Variants in RUVBL1 observed in about 807,000 individuals in gnomAD.
RUVBL1 encodes the protein RuvB like AAA ATPase 1, also known as ruvB-like 1.
In RUVBL1, 4 loss-of-function variants were observed where a neutral mutation model predicts 52.4. That is an observed-to-expected ratio of 0.08 (90% confidence interval 0.04 to 0.17). The LOEUF (loss-of-function observed/expected upper bound fraction) is 0.17. Ranked by LOEUF, RUVBL1 falls within the 10% of genes least tolerant of loss-of-function variation. RUVBL1 has a pLI of 1.00. For synonymous variants in RUVBL1, 217 were observed against 214.4 expected, an observed-to-expected ratio of 1.01 and a Z score of -0.10; for missense variants, 298 against 572.8, an observed-to-expected ratio of 0.52 and a Z score of 4.90.
At position 128,104,859 on chromosome 3, in the gene RUVBL1, T is replaced by C; in HGVS notation, c.427A>G (p.Thr143Ala). Reference protein sequence around the residue: ...GEVTELTPCETENPMGGYGKT... With the variant: ...GEVTELTPCEAENPMGGYGKT... ...CCATATCCTCCCATGGGATTCTCTG[T>C]CTCACACGGAGTTAGCTCTGTGACT... The change falls in exon 4 of 11, where the codon ACA becomes GCA. Residue 143 changes from threonine to alanine, a missense_variant. This residue lies in a region of RUVBL1 where 58 missense variants were observed against 83.2 expected (regional missense o/e 0.70). Coordinates refer to ENST00000322623, the MANE Select transcript of RUVBL1 (RefSeq NM_003707.3). 1.9e-6 allele frequency: 3 copies of C among 1,613,754 alleles called. No homozygotes were observed. The highest frequency in any genetic ancestry group is 2.5e-6 in the Non-Finnish European group (3 of 1,179,666).
intron 2 of RUVBL1, among the ~76,000 whole-genome samples, chr3:128,118,839 T>G (rs1156891044): frequency 6.6e-6 from 1 of 152,224 alleles, no homozygotes; most frequent in Non-Finnish European, 1.5e-5. Flanking sequence ...CATGATTTCC[T>G]TTCTTTCTGC....
chr3:128,123,457 T>G, intron 1 of RUVBL1, 127 bp downstream of exon 1: 1 of 1,214,652 alleles, frequency 8.2e-7, no homozygotes, highest in Non-Finnish European at 1.1e-6. Context: ...CCATTTTCAC[T>G]TCCCTGAGGA....
chr3:128,133,923 T>C (rs1050603739), intron 1 of RUVBL1, among the ~76,000 whole-genome samples: 1 of 152,118 alleles, frequency 6.6e-6, no homozygotes, highest in South Asian at 2.1e-4. Context: ...CAGTGATCAA[T>C]CCTGAAGTGA....
rs1297029757 is a variant in RUVBL1 at position 128,150,666 on chromosome 3, CATATATTCTATAT to C, written c.-40+2524_-40+2536del. Among the ~76,000 whole-genome samples, 7 of 125,528 alleles carry C rather than the reference CATATATTCTATAT, an allele frequency of 5.6e-5. No homozygotes were observed. The East Asian group carries it at 1.3e-3, about 24-fold the overall frequency. 82.4% of individuals were successfully genotyped at this position (125,528 alleles called of 152,430 possible). A position where few individuals can be genotyped will look rare whatever the true frequency, so the allele number is the denominator to read the frequency against. On this transcript the variant is annotated intron_variant, in intron 1 of 9. Transcript: ENST00000464873. ...ACATATATTCTATACATATTCTATA[CATATATTCTATAT>C]ATATTCTATATATTATATATTCTAT...
intron 1 of RUVBL1, among the ~76,000 whole-genome samples, chr3:128,142,186 A>C (rs1944034654): frequency 6.6e-6 from 1 of 151,922 alleles, no homozygotes; most frequent in Non-Finnish European, 1.5e-5. Context: ...ACATCCGCTG[A>C]CTCCCAGAGT....
intron 1 of RUVBL1, among the ~76,000 whole-genome samples, chr3:128,135,578 A>G (rs184274277): frequency 1.1e-4 from 16 of 152,214 alleles, no homozygotes; most frequent in South Asian, 2.1e-4. Flanking sequence ...AAAATATTTT[A>G]TACTAGGATA....
At chr3:128,067,000 A>T in intron 9 of RUVBL1, 4 of 1,614,214 alleles carry the variant, frequency 2.5e-6, no homozygotes, top group Non-Finnish European at 3.4e-6. Context: ...TACCGTGGCC[A>T]GTACAACACC....
At chr3:128,144,862 G>C (rs1944079983) in intron 1 of RUVBL1, among the ~76,000 whole-genome samples, 1 of 152,168 alleles carries the variant, frequency 6.6e-6, no homozygotes, top group Admixed American at 6.5e-5. Context: ...TCTTGGGGTG[G>C]GCTCATGACC....
At chr3:128,074,774 G>A (rs546650972) in intron 9 of RUVBL1, among the ~76,000 whole-genome samples, 37 of 146,198 alleles carry the variant, frequency 2.5e-4, no homozygotes, top group African/African-American at 8.7e-4. Flanking sequence ...CCCGGGAGGC[G>A]GTGGTTGCAG....
At chr3:128,133,441 C>T (rs1943908983) in intron 1 of RUVBL1, among the ~76,000 whole-genome samples, 1 of 152,220 alleles carries the variant, frequency 6.6e-6, no homozygotes, top group Admixed American at 6.5e-5. Context: ...TTGGGTGAGA[C>T]ACAGTATTGG....
chr3:128,077,302 C>T (rs972469006), downstream of RUVBL1, among the ~76,000 whole-genome samples: 1 of 152,154 alleles, frequency 6.6e-6, no homozygotes, highest in African/African-American at 2.4e-5. Context: ...CGCCCTGCAC[C>T]CTAAGCTCCC....
intron 9 of RUVBL1, among the ~76,000 whole-genome samples, chr3:128,087,209 G>A (rs1014914316): frequency 6.6e-6 from 1 of 152,256 alleles, no homozygotes; most frequent in Admixed American, 6.5e-5. Flanking sequence ...CCTCTTCCAG[G>A]TCAGGGTGGC....
In RUVBL1 at chr3:128,101,657, A is replaced by C; in HGVS notation, c.514-9T>G. 1 of 1,612,820 alleles carries C rather than the reference A, an allele frequency of 6.2e-7. No individual in the cohort carries two copies. Among genetic ancestry groups the C allele is most frequent in the Non-Finnish European group, 8.5e-7 (1 of 1,179,784 alleles). On this transcript the variant is annotated splice_polypyrimidine_tract_variant and intron_variant, in intron 4 of 10. Transcript: ENST00000322623. ...AAAATGCTGGGGTCCAGCTAAAAAA[A>C]AAAATGTAAATCAGAAGTGTAATAC...
chr3:128,131,054 G>A (rs1943870763), intron 1 of RUVBL1, among the ~76,000 whole-genome samples: 2 of 152,082 alleles, frequency 1.3e-5, no homozygotes, highest in African/African-American at 4.8e-5. Context: ...AGGAGTTTGA[G>A]GCTGTAGTGA....
chr3:128,147,427 T>C, intron 1 of RUVBL1, among the ~76,000 whole-genome samples: 1 of 152,088 alleles, frequency 6.6e-6, no homozygotes, highest in Admixed American at 6.5e-5. Context: ...TGAGACTCCA[T>C]CTTTACAAAA....
intron 8 of RUVBL1, among the ~76,000 whole-genome samples, chr3:128,088,136 C>T (rs1414192187): frequency 6.6e-6 from 1 of 151,948 alleles, no homozygotes; most frequent in Non-Finnish European, 1.5e-5. Context: ...GTGGTGCACA[C>T]CTGTAATCCC....
intron 9 of RUVBL1, chr3:128,070,913 C>T (rs1942146296): frequency 6.6e-6 from 1 of 152,318 alleles, no homozygotes; most frequent in African/African-American, 2.4e-5. Flanking sequence ...GCAAGGGCAG[C>T]AGAGTTGGGT....
At chr3:128,152,930 CCG>C (rs1944259858) in intron 1 of RUVBL1, among the ~76,000 whole-genome samples, 1 of 51,228 alleles carries the variant, frequency 2.0e-5, no homozygotes, top group Non-Finnish European at 3.7e-5. Context: ...CGCCGTCCCC[CCG>C]CCCTCCCCCC....
downstream of RUVBL1, chr3:128,075,822 T>G (rs1942301400): frequency 6.6e-6 from 1 of 152,368 alleles, no homozygotes; most frequent in African/African-American, 2.4e-5. Flanking sequence ...GCTGTGGTTT[T>G]CGAGGGGAAA....
Sources: gnomAD v4.1 joint callset for allele counts (sites outside exome capture counted in the v4.1 genomes callset) on GRCh38, gnomAD v4.1.1 for gene constraint, gnomAD v4.1.1 regional missense constraint, MANE v1.5 for transcripts, NCBI Gene and HGNC (gene_info 2026-07-23, HGNC 2026-07-21) for gene names.